PSD3: variants seen among roughly 807,000 people sequenced by gnomAD.
The protein encoded by PSD3 is pleckstrin and Sec7 domain containing 3, also known as PH and SEC7 domain-containing protein 3.
PSD3 carries 49 observed loss-of-function variants against 105.5 expected under a neutral mutation model. The observed-to-expected ratio is 0.46, with a 90% CI of 0.37 to 0.59. The LOEUF is 0.59. Among genes scored for constraint, PSD3 ranks in the 20% least tolerant of loss-of-function variants. PSD3 has a pLI of 0.00. For missense variants in PSD3, 1,561 were observed against 1,263.8 expected, an observed-to-expected ratio of 1.24 and a Z score of -3.57; for synonymous variants, 557 against 457.8, an observed-to-expected ratio of 1.22 and a Z score of -2.77.
intron 14 of PSD3, among the ~76,000 whole-genome samples, chr8:18,566,927 T>C (rs1165379104): frequency 3.9e-5 from 6 of 152,236 alleles, no homozygotes. Flanking sequence ...TGTGCTTGCC[T>C]GTTCTGGGGA....
chr8:18,978,605 T>A (rs1825080770), intron 1 of PSD3, among the ~76,000 whole-genome samples: 1 of 152,068 alleles, frequency 6.6e-6, no homozygotes, highest in Non-Finnish European at 1.5e-5. Context: ...CACAGTAACC[T>A]CAACATGGGG....
intron 9 of PSD3, among the ~76,000 whole-genome samples, chr8:18,696,477 C>T (rs10107267): frequency 0.016 from 2,452 of 152,302 alleles, 67 homozygotes; most frequent in African/African-American, 0.055. Context: ...CTTTCAATTA[C>T]TCTGTGTGGC....
rs780470021 is a variant in PSD3 at position 18,556,194 on chromosome 8, T to C, written c.2928+15A>G. ...CTCAGAAATCAGCATTTACTAACAT[T>C]TGGGTGCAACACACCTCAAACTCCA... On this transcript the variant is annotated intron_variant, in intron 15 of 15. Coordinates refer to ENST00000327040, the MANE Select transcript of PSD3 (RefSeq NM_015310.4). 1 of 1,612,352 alleles carries C rather than the reference T, an allele frequency of 6.2e-7. No homozygotes were observed. The highest frequency in any genetic ancestry group is 1.1e-5 in the South Asian group (1 of 90,706).
chr8:18,738,382 C>T (rs1409117667), intron 9 of PSD3, among the ~76,000 whole-genome samples: 1 of 152,124 alleles, frequency 6.6e-6, no homozygotes, highest in Non-Finnish European at 1.5e-5. Flanking sequence ...AAGATCATCT[C>T]AAGGGTGACT....
chr8:18,640,977 G>T (rs1267447566), intron 10 of PSD3, among the ~76,000 whole-genome samples: 1 of 152,130 alleles, frequency 6.6e-6, no homozygotes, highest in African/African-American at 2.4e-5. Context: ...TTAGGCTGGG[G>T]AGCTCAGCAG....
chr8:19,081,650 T>A (rs1829649623), intron 1 of PSD3, among the ~76,000 whole-genome samples: 2 of 152,252 alleles, frequency 1.3e-5, no homozygotes, highest in African/African-American at 4.8e-5. Flanking sequence ...AGCCTGGTCA[T>A]AGAACAAACT....
chr8:18,538,018 C>T (rs1026023002), intron 15 of PSD3, among the ~76,000 whole-genome samples: 18 of 152,166 alleles, frequency 1.2e-4, no homozygotes, highest in African/African-American at 4.3e-4. Context: ...GGACATGACT[C>T]CTAAAGCTGC....
rs189203510 is a variant in PSD3 at position 18,700,490 on chromosome 8, C to A, written c.2173-44805G>T. Among the ~76,000 whole-genome samples, 49 of 152,288 alleles carry A rather than the reference C, an allele frequency of 3.2e-4. No homozygotes were observed. The East Asian group carries it at 4.8e-3, about 15-fold the overall frequency. On this transcript the variant is annotated intron_variant, in intron 9 of 15. Transcript: ENST00000327040. ...TGAGAGGCTATCTCCCATGCTTAAA[C>A]CTTTCTGCTCCACTTCTAATAACCT...
At chr8:18,555,744 G>A in intron 15 of PSD3, among the ~76,000 whole-genome samples, 1 of 152,138 alleles carries the variant, frequency 6.6e-6, no homozygotes, top group South Asian at 2.1e-4. Flanking sequence ...CCTTCTGAAG[G>A]GCAGTGGGTG....
intron 4 of PSD3, among the ~76,000 whole-genome samples, chr8:18,852,488 G>A (rs1158808694): frequency 6.6e-6 from 1 of 152,186 alleles, no homozygotes; most frequent in Non-Finnish European, 1.5e-5. Context: ...TGCTGCCTAT[G>A]GGGTACATGT....
chr8:19,014,393 C>A (rs1190122924), upstream of PSD3: 1 of 152,312 alleles, frequency 6.6e-6, no homozygotes, highest in African/African-American at 2.4e-5. This position sits in a 1 kb window ranked among gnomAD's most constrained non-coding sequence, Gnocchi z 4.9. Context: ...ACCGACAGTG[C>A]GTGCGCGGGG....
chr8:18,995,522 A>T (rs951664447), intron 1 of PSD3, among the ~76,000 whole-genome samples: 5 of 152,062 alleles, frequency 3.3e-5, no homozygotes. Flanking sequence ...TCTAAGGAGG[A>T]AAAATAAACC....
At chr8:18,665,518 G>T (rs776844877) in intron 9 of PSD3, among the ~76,000 whole-genome samples, 3 of 152,238 alleles carry the variant, frequency 2.0e-5, no homozygotes, top group African/African-American at 7.2e-5. Context: ...TACCCCCGGT[G>T]AAGATGCTAT....
chr8:18,841,052 T>A (rs1043354159), intron 4 of PSD3, among the ~76,000 whole-genome samples: 1 of 152,102 alleles, frequency 6.6e-6, no homozygotes, highest in African/African-American at 2.4e-5. Flanking sequence ...AACAAGAACC[T>A]AAGTAGAGGA....
At chr8:19,049,927 A>G (rs771657617) in intron 1 of PSD3, among the ~76,000 whole-genome samples, 5 of 152,102 alleles carry the variant, frequency 3.3e-5, no homozygotes, top group Non-Finnish European at 5.9e-5. Context: ...ATAAAAACCA[A>G]TCATGACAAG....
At chr8:18,595,169 A>T (rs1312384489) in intron 12 of PSD3, among the ~76,000 whole-genome samples, 4 of 151,878 alleles carry the variant, frequency 2.6e-5, no homozygotes, top group Non-Finnish European at 5.9e-5. Flanking sequence ...ATCAGCTTAA[A>T]ATAGATCATT....
intron 9 of PSD3, among the ~76,000 whole-genome samples, chr8:18,688,994 G>C (rs528280155): frequency 6.6e-6 from 1 of 152,172 alleles, no homozygotes; most frequent in Non-Finnish European, 1.5e-5. Flanking sequence ...CTAATTAAGC[G>C]GAAGGCTGGA....
Position 18,535,939 on chromosome 8 carries a change from T to C in PSD3, c.2948A>G (p.Tyr983Cys). 6.2e-7 allele frequency: 1 copy of C among 1,614,118 alleles called. No homozygotes were observed. Among genetic ancestry groups the C allele is most frequent in the Non-Finnish European group, 8.5e-7 (1 of 1,180,014 alleles). ...GCCTCCTTCCTTGAGAATGCTGACA[T>C]ACATTTCATAGCGGGTTTTCTGAAG... is the stretch of plus-strand genomic sequence containing the variant. Reference protein sequence around the residue: ...LEFEKTRYEMYVSILKEGGKE... With the variant: ...LEFEKTRYEMCVSILKEGGKE... Residue 983 changes from tyrosine (Y) to cysteine (C), a missense_variant, in exon 16 of 16, where the codon TAT becomes TGT. Transcript: ENST00000327040.
intron 2 of PSD3, among the ~76,000 whole-genome samples, chr8:18,882,428 T>C (rs1818167084): frequency 6.6e-6 from 1 of 152,106 alleles, no homozygotes. Flanking sequence ...GGACCATGAA[T>C]GCATCAAGCA....
Sources: gnomAD v4.1 joint callset for allele counts (sites outside exome capture counted in the v4.1 genomes callset) on GRCh38, gnomAD v4.1.1 for gene constraint, Gnocchi (gnomAD v3.1) non-coding constraint, MANE v1.5 for transcripts, NCBI Gene and HGNC (gene_info 2026-07-23, HGNC 2026-07-21) for gene names.